Variants in PRKN observed in about 807,000 individuals in gnomAD.
The protein encoded by PRKN is E3 ubiquitin-protein ligase parkin.
A neutral mutation model predicts 59.5 loss-of-function variants in PRKN; 56 were observed. That is an observed-to-expected ratio of 0.94 (90% CI 0.76 to 1.18). PRKN has a LOEUF of 1.18. Among genes scored for constraint, PRKN ranks in the 50% most tolerant of loss-of-function variants. PRKN has a pLI of 0.00. For synonymous variants in PRKN, 250 were observed against 222.1 expected (o/e 1.13, Z -1.12); for missense variants, 657 against 596.4 (o/e 1.10, Z -1.06).
chr6:161,781,401 C>T (rs1168363797), intron 7 of PRKN, among the ~76,000 whole-genome samples: 1 of 152,182 alleles, frequency 6.6e-6, no homozygotes, highest in Non-Finnish European at 1.5e-5. Context: ...CCCTGCCTCA[C>T]TCCCTATTAA....
intron 10 of PRKN, among the ~76,000 whole-genome samples, chr6:161,381,574 G>T (rs1440932342): frequency 6.6e-6 from 1 of 152,202 alleles, no homozygotes; most frequent in Non-Finnish European, 1.5e-5. Flanking sequence ...CAGATGGAAG[G>T]AACTGAGGTT....
rs377160035 is a variant in PRKN, at chr6:161,731,080, A to G, written c.871+54692T>C. On this transcript the variant is annotated intron_variant, in intron 7 of 11. Transcript: ENST00000366898. ...TCTGAAGTGTTGCATTCTTTCTGAT[A>G]TGTTGCATTCTTTCTGATGTGTTGC... Among the ~76,000 whole-genome samples, 11 of 151,600 alleles carry G rather than the reference A, an allele frequency of 7.3e-5. No homozygotes were observed. The South Asian group carries it at 2.3e-3, about 32-fold the overall frequency.
At chr6:162,289,546 A>C (rs1465769259) in intron 2 of PRKN, among the ~76,000 whole-genome samples, 4 of 151,854 alleles carry the variant, frequency 2.6e-5, no homozygotes, top group African/African-American at 4.8e-5. Flanking sequence ...AAAATACAAA[A>C]ATTAGCCGGG....
intron 4 of PRKN, among the ~76,000 whole-genome samples, chr6:162,171,499 A>C (rs1783274683): frequency 6.6e-6 from 1 of 152,186 alleles, no homozygotes; most frequent in African/African-American, 2.4e-5. Flanking sequence ...CAAACCGGGA[A>C]AATACTCGTA....
At chr6:162,034,891 A>G (rs953350145) in intron 5 of PRKN, among the ~76,000 whole-genome samples, 2 of 152,216 alleles carry the variant, frequency 1.3e-5, no homozygotes, top group African/African-American at 4.8e-5. Context: ...GAGAGCTTAC[A>G]TATGGAGGTA....
intron 2 of PRKN, among the ~76,000 whole-genome samples, chr6:162,334,092 G>A (rs1381793505): frequency 6.6e-6 from 1 of 152,162 alleles, no homozygotes; most frequent in Non-Finnish European, 1.5e-5. Context: ...AAAAGACAAG[G>A]TTGAAGCTAG....
rs754589415 is a variant in PRKN, at chr6:161,350,217, G to T, written c.1286-6C>A. On this transcript the variant is annotated splice_region_variant and splice_polypyrimidine_tract_variant and intron_variant, in intron 11 of 11. Coordinates refer to ENST00000366898, the MANE Select transcript of PRKN (RefSeq NM_004562.3). ...CTTCATGTGCATGCAGCCTCCTGTT[G>T]GGGGCAGAAAACAAAGGTGTGGTGG... 1.0e-5 allele frequency: 16 copies of T among 1,607,878 alleles called. No homozygotes were observed. Among genetic ancestry groups the T allele is most frequent in the Non-Finnish European group, 1.4e-5 (16 of 1,175,488 alleles).
intron 2 of PRKN, among the ~76,000 whole-genome samples, chr6:162,385,255 G>A (rs925463463): frequency 2.6e-5 from 4 of 152,034 alleles, no homozygotes; most frequent in Non-Finnish European, 5.9e-5. Context: ...ACTTCACCCA[G>A]ATAACATAAA....
At chr6:162,289,655 C>G (rs956513033) in intron 2 of PRKN, among the ~76,000 whole-genome samples, 1 of 150,426 alleles carries the variant, frequency 6.6e-6, no homozygotes, top group Non-Finnish European at 1.5e-5. Flanking sequence ...CGAGATAACT[C>G]TAGCCTCAGC....
chr6:161,656,395 C>A (rs1183757910), intron 7 of PRKN, among the ~76,000 whole-genome samples: 1 of 152,062 alleles, frequency 6.6e-6, no homozygotes, highest in Non-Finnish European at 1.5e-5. Context: ...TTTGATTTTC[C>A]ACCCGCCTCC....
intron 2 of PRKN, among the ~76,000 whole-genome samples, chr6:162,406,109 T>C (rs1788056639): frequency 6.6e-6 from 1 of 152,198 alleles, no homozygotes; most frequent in Admixed American, 6.5e-5. Flanking sequence ...ACAGCTACCA[T>C]TTAGCAAGGG....
chr6:161,586,705 A>G (rs1404904482), intron 7 of PRKN, among the ~76,000 whole-genome samples: 1 of 152,236 alleles, frequency 6.6e-6, no homozygotes, highest in Non-Finnish European at 1.5e-5. Flanking sequence ...GATATTAAAG[A>G]ACGGAAGCCA....
At chr6:162,499,916 A>T (rs9356030) in intron 1 of PRKN, among the ~76,000 whole-genome samples, 45,196 of 151,902 alleles carry the variant, frequency 0.3, 7,168 homozygotes, top group East Asian at 0.46. Context: ...TTACCAAAAA[A>T]AAGGTTGCCT....
intron 1 of PRKN, among the ~76,000 whole-genome samples, chr6:162,709,372 A>C (rs1231935890): frequency 4.5e-5 from 2 of 43,988 alleles, no homozygotes; most frequent in South Asian, 9.9e-4. Context: ...AAGGGTCTGA[A>C]CACTTTTTTT....
chr6:161,781,823 A>C (rs2128205839), intron 7 of PRKN, among the ~76,000 whole-genome samples: 1 of 152,334 alleles, frequency 6.6e-6, no homozygotes, highest in Non-Finnish European at 1.5e-5. Context: ...AAGATGCTCA[A>C]CTTTGTTTAA....
chr6:162,133,916 A>AT (rs1270012789), intron 4 of PRKN, among the ~76,000 whole-genome samples: 2 of 152,112 alleles, frequency 1.3e-5, no homozygotes, highest in African/African-American at 2.4e-5. Flanking sequence ...GAGCCTAGAT[A>AT]TTTTTTGAGG....
chr6:162,253,086 C>G (rs1465157544), intron 3 of PRKN, among the ~76,000 whole-genome samples: 3 of 152,154 alleles, frequency 2.0e-5, no homozygotes, highest in Admixed American at 2.0e-4. Context: ...CTACAGTAAC[C>G]TGGTAAATTA....
At chr6:161,800,151 A>C (rs1369699721) in intron 6 of PRKN, among the ~76,000 whole-genome samples, 1 of 152,148 alleles carries the variant, frequency 6.6e-6, no homozygotes, top group Admixed American at 6.5e-5. Flanking sequence ...CAGGGCTACA[A>C]AGGAAGGGAG....
At chr6:162,559,726 T>C (rs2128205919) in intron 1 of PRKN, among the ~76,000 whole-genome samples, 1 of 152,334 alleles carries the variant, frequency 6.6e-6, no homozygotes, top group Non-Finnish European at 1.5e-5. Flanking sequence ...GTAATTACTT[T>C]TAAAAACATC....
Sources: gnomAD v4.1 joint callset for allele counts (sites outside exome capture counted in the v4.1 genomes callset) on GRCh38, gnomAD v4.1.1 for gene constraint, MANE v1.5 for transcripts, NCBI Gene and HGNC (gene_info 2026-07-23, HGNC 2026-07-21) for gene names.